The following PDSS2 variants were observed in gnomAD, a reference collection of about 807,000 sequenced individuals.
The protein encoded by PDSS2 is all trans-polyprenyl-diphosphate synthase PDSS2.
PDSS2 carries 31 observed loss-of-function variants against 44.5 expected under a neutral mutation model. The observed-to-expected ratio is 0.70, with a 90% CI of 0.52 to 0.94. The LOEUF is 0.94. Among genes scored for constraint, PDSS2 ranks in the 40% least tolerant of loss-of-function variants. The pLI is 0.00. For synonymous variants in PDSS2, 157 were observed against 180.3 expected, an observed-to-expected ratio of 0.87 and a Z score of 1.03; for missense variants, 452 against 482.2, an observed-to-expected ratio of 0.94 and a Z score of 0.59.
intron 7 of PDSS2, among the ~76,000 whole-genome samples, chr6:107,179,561 C>T (rs1198169574): frequency 1.3e-5 from 2 of 152,054 alleles, no homozygotes; most frequent in Non-Finnish European, 2.9e-5. Flanking sequence ...CCACAGCATC[C>T]GGCCTTAGCT....
intron 7 of PDSS2, among the ~76,000 whole-genome samples, chr6:107,176,580 G>C (rs572739104): frequency 1.3e-5 from 2 of 152,122 alleles, no homozygotes; most frequent in Non-Finnish European, 2.9e-5. Context: ...GCAGCCTCCT[G>C]TTGGGAGTGA....
chr6:107,284,609 C>T lies in PDSS2; in HGVS notation c.432-10382G>A, dbSNP rs1776080636. On this transcript the variant is annotated intron_variant, in intron 2 of 7. Coordinates refer to ENST00000369037, the MANE Select transcript of PDSS2 (RefSeq NM_020381.4). ...CCGGGAGGAGGAGGTTACAGTGAGC[C>T]GAGATGGCGCCATCACACTCCAGCC... is the stretch of plus-strand genomic sequence containing the variant. Among the ~76,000 whole-genome samples, 5 of 148,856 alleles carry T rather than the reference C, an allele frequency of 3.4e-5. No homozygotes were observed. The Admixed American group carries it at 3.4e-4, about 10-fold the overall frequency.
intron 6 of PDSS2, among the ~76,000 whole-genome samples, chr6:107,206,435 G>A (rs191676959): frequency 1.1e-4 from 17 of 152,178 alleles, no homozygotes; most frequent in African/African-American, 3.9e-4. Context: ...ACTAGTTCTT[G>A]GATTTATTTT....
intron 1 of PDSS2, among the ~76,000 whole-genome samples, chr6:107,409,138 A>C (rs1308886667): frequency 6.6e-6 from 1 of 152,224 alleles, no homozygotes; most frequent in African/African-American, 2.4e-5. Context: ...TAACTGCAGA[A>C]CACTGGAAGA....
At chr6:107,204,841 T>C (rs1255789876) in intron 6 of PDSS2, among the ~76,000 whole-genome samples, 1 of 152,224 alleles carries the variant, frequency 6.6e-6, no homozygotes, top group Non-Finnish European at 1.5e-5. Context: ...CTTATTTCTG[T>C]ATCTCCTGTA....
At chr6:107,433,743 A>C (rs1388298714) in intron 1 of PDSS2, among the ~76,000 whole-genome samples, 1 of 152,246 alleles carries the variant, frequency 6.6e-6, no homozygotes, top group Non-Finnish European at 1.5e-5. Context: ...CAAAAAGCAC[A>C]GGCAACCAAA....
chr6:107,201,769 T>C (rs1244798574), intron 6 of PDSS2, among the ~76,000 whole-genome samples: 2 of 152,202 alleles, frequency 1.3e-5, no homozygotes, highest in Non-Finnish European at 2.9e-5. Flanking sequence ...ACAGGCTATA[T>C]TTTAGAATAA....
chr6:107,421,205 A>G (rs1780813755), intron 1 of PDSS2, among the ~76,000 whole-genome samples: 1 of 152,230 alleles, frequency 6.6e-6, no homozygotes, highest in Non-Finnish European at 1.5e-5. Context: ...CTAACAAAGG[A>G]TATGGAGAAA....
At chr6:107,203,122 T>C (rs1260454802) in intron 6 of PDSS2, among the ~76,000 whole-genome samples, 3 of 152,154 alleles carry the variant, frequency 2.0e-5, no homozygotes, top group Admixed American at 2.0e-4. Context: ...AGTTGCTTCC[T>C]CCAGCAGCAA....
At chr6:107,379,403 T>C (rs1210338218) in intron 1 of PDSS2, among the ~76,000 whole-genome samples, 1 of 152,240 alleles carries the variant, frequency 6.6e-6, no homozygotes, top group Admixed American at 6.5e-5. Flanking sequence ...GAGTTTAATA[T>C]ATGTACAGAC....
intron 1 of PDSS2, among the ~76,000 whole-genome samples, chr6:107,398,485 T>G (rs1467598663): frequency 6.6e-6 from 1 of 152,208 alleles, no homozygotes; most frequent in African/African-American, 2.4e-5. Context: ...TCAACAGATA[T>G]AAGCCACAAA....
chr6:107,315,768 T>C (rs1180655304), intron 2 of PDSS2, among the ~76,000 whole-genome samples: 1 of 152,084 alleles, frequency 6.6e-6, no homozygotes, highest in Non-Finnish European at 1.5e-5. Context: ...CTAATTGAAA[T>C]CTTGATGAAG....
intron 3 of PDSS2, among the ~76,000 whole-genome samples, chr6:107,249,094 T>C (rs1490185678): frequency 6.6e-6 from 1 of 152,180 alleles, no homozygotes; most frequent in African/African-American, 2.4e-5. Context: ...CTGAATGACA[T>C]CAGGCTTAAC....
intron 1 of PDSS2, among the ~76,000 whole-genome samples, chr6:107,394,004 G>C (rs914459947): frequency 6.6e-6 from 1 of 152,146 alleles, no homozygotes; most frequent in East Asian, 1.9e-4. Context: ...TATGCAGCCT[G>C]AAAATCTTTG....
chr6:107,348,256 T>A (rs1778317454), intron 1 of PDSS2, among the ~76,000 whole-genome samples: 1 of 152,214 alleles, frequency 6.6e-6, no homozygotes, highest in Admixed American at 6.5e-5. Flanking sequence ...AAGAAGGTAC[T>A]GTGGTCATCT....
intron 1 of PDSS2, among the ~76,000 whole-genome samples, chr6:107,376,346 C>T (rs1407317767): frequency 6.6e-6 from 1 of 151,848 alleles, no homozygotes; most frequent in Non-Finnish European, 1.5e-5. Context: ...TATAAATTAC[C>T]TTGGGCAGTA....
intron 2 of PDSS2, among the ~76,000 whole-genome samples, chr6:107,322,996 G>A (rs1777430167): frequency 6.6e-6 from 1 of 152,134 alleles, no homozygotes; most frequent in African/African-American, 2.4e-5. Flanking sequence ...CCACTTTCAG[G>A]AGTGAGAAGG....
chr6:107,455,626 T>A lies in PDSS2; in HGVS notation c.296+3364A>T, dbSNP rs538948901. 2.6e-5 allele frequency among the ~76,000 whole-genome samples: 4 copies of A among 151,946 alleles called. No individual in the cohort carries two copies. The East Asian group carries it at 5.9e-4, about 22-fold the overall frequency. ...AAAATTAGCTGGGCGTGGTGGCACA[T>A]GCCTGCAATCCCAGTTACTGGGGAG... On this transcript the variant is annotated intron_variant, in intron 1 of 7. Transcript: ENST00000369037.
intron 1 of PDSS2, among the ~76,000 whole-genome samples, chr6:107,401,630 C>T (rs187762932): frequency 1.0e-3 from 153 of 152,148 alleles, no homozygotes; most frequent in African/African-American, 3.5e-3. Context: ...TAAAGAAGCT[C>T]AACAAGATAA....
Sources: gnomAD v4.1 joint callset for allele counts (sites outside exome capture counted in the v4.1 genomes callset) on GRCh38, gnomAD v4.1.1 for gene constraint, MANE v1.5 for transcripts, NCBI Gene and HGNC (gene_info 2026-07-23, HGNC 2026-07-21) for gene names.